Variants in TMTC2 observed in about 807,000 individuals in gnomAD.
TMTC2 encodes protein O-mannosyl-transferase TMTC2.
A neutral mutation model predicts 82.4 loss-of-function variants in TMTC2; 43 were observed. The observed-to-expected ratio is 0.52, with a 90% CI of 0.41 to 0.67. TMTC2 has a LOEUF of 0.67. Ranked by LOEUF, TMTC2 falls within the 30% of genes least tolerant of loss-of-function variation. TMTC2 has a pLI of 0.00. For missense variants in TMTC2, 919 were observed against 1,012.4 expected (o/e 0.91, Z 1.25); for synonymous variants, 408 against 381.9 (o/e 1.07, Z -0.80).
intron 1 of TMTC2, among the ~76,000 whole-genome samples, 154 bp from the exon 2 acceptor site, chr12:82,856,856 G>A (rs1358679805): frequency 6.6e-6 from 1 of 152,156 alleles, no homozygotes; most frequent in Non-Finnish European, 1.5e-5. Context: ...AAGCATTAAG[G>A]GGAGGACATG....
intron 11 of TMTC2, among the ~76,000 whole-genome samples, chr12:83,082,188 A>AT (rs1228554495): frequency 2.6e-5 from 4 of 152,156 alleles, no homozygotes; most frequent in Non-Finnish European, 5.9e-5. Context: ...ATGTCATATG[A>AT]CTCAATTCTT....
intron 1 of TMTC2, among the ~76,000 whole-genome samples, chr12:82,773,303 CT>C (rs1877405504): frequency 6.6e-6 from 1 of 151,988 alleles, no homozygotes; most frequent in African/African-American, 2.4e-5. Context: ...ACCTAATGTT[CT>C]TTTGATTGTA....
At chr12:82,697,633 A>G (rs987723161) in intron 1 of TMTC2, among the ~76,000 whole-genome samples, 3 of 152,208 alleles carry the variant, frequency 2.0e-5, no homozygotes, top group African/African-American at 7.2e-5. Flanking sequence ...CAGATTTTGA[A>G]AAGATAGCTT....
At chr12:82,995,137 CT>C (rs1384989567) in intron 8 of TMTC2, among the ~76,000 whole-genome samples, 1 of 151,956 alleles carries the variant, frequency 6.6e-6, no homozygotes, top group Non-Finnish European at 1.5e-5. Context: ...TAATTTTTTT[CT>C]AATAATATAT....
chr12:82,870,838 G>T (rs1344309898), intron 2 of TMTC2, among the ~76,000 whole-genome samples: 2 of 152,280 alleles, frequency 1.3e-5, no homozygotes, highest in East Asian at 1.9e-4. Flanking sequence ...AAAATGTGGG[G>T]ATGCCAATTG....
chr12:82,688,562 C>T (rs1326034889), intron 1 of TMTC2, among the ~76,000 whole-genome samples: 4 of 152,134 alleles, frequency 2.6e-5, no homozygotes, highest in Non-Finnish European at 4.4e-5. Context: ...GGGAAAATTC[C>T]AATTTGTGTC....
intron 4 of TMTC2, among the ~76,000 whole-genome samples, chr12:82,956,569 C>T (rs1877627392): frequency 6.6e-6 from 1 of 151,980 alleles, no homozygotes. Context: ...CCTGCCTCAG[C>T]CTCCCTCCCA....
intron 11 of TMTC2, among the ~76,000 whole-genome samples, chr12:83,125,368 C>T (rs1467472391): frequency 2.0e-5 from 3 of 152,136 alleles, no homozygotes; most frequent in African/African-American, 2.4e-5. Flanking sequence ...GTGTTCCTAC[C>T]TTTCAAATAT....
chr12:83,009,467 T>C (rs183064042), intron 8 of TMTC2, among the ~76,000 whole-genome samples: 2 of 152,272 alleles, frequency 1.3e-5, no homozygotes, highest in Admixed American at 1.3e-4. Flanking sequence ...AAAGCAGGTC[T>C]CCACTATGAT....
At chr12:82,909,512 T>C (rs894836254) in intron 3 of TMTC2, among the ~76,000 whole-genome samples, 3 of 151,950 alleles carry the variant, frequency 2.0e-5, no homozygotes, top group Non-Finnish European at 2.9e-5. Flanking sequence ...GCCAATTTTT[T>C]TGTATTTTTA....
intron 1 of TMTC2, among the ~76,000 whole-genome samples, chr12:82,705,329 G>A (rs13378007): frequency 0.05 from 7,611 of 152,038 alleles, 355 homozygotes; most frequent in East Asian, 0.12. Context: ...AATAACCTAT[G>A]GAGATAAAAA....
intron 11 of TMTC2, among the ~76,000 whole-genome samples, chr12:83,067,205 G>A (rs1882951480): frequency 6.6e-6 from 1 of 151,988 alleles, no homozygotes. Context: ...ACTTCTGAGA[G>A]TAAGGATATT....
intron 4 of TMTC2, among the ~76,000 whole-genome samples, chr12:82,941,047 A>G (rs934625049): frequency 3.3e-5 from 5 of 152,212 alleles, no homozygotes; most frequent in African/African-American, 4.8e-5. Flanking sequence ...AACGGAGAAT[A>G]CATAAATACG....
At chr12:83,033,349 G>A (rs1240318995) in intron 9 of TMTC2, among the ~76,000 whole-genome samples, 2 of 152,190 alleles carry the variant, frequency 1.3e-5, no homozygotes, top group Non-Finnish European at 1.5e-5. Flanking sequence ...AATATAACCT[G>A]TCTGTTGAAC....
intron 1 of TMTC2, among the ~76,000 whole-genome samples, chr12:82,716,345 T>C (rs930493513): frequency 7.2e-5 from 11 of 151,996 alleles, no homozygotes; most frequent in Admixed American, 3.3e-4. Context: ...TTCACATTCG[T>C]ATGCTTGTCT....
chr12:82,755,706 C>A (rs1302438620), intron 1 of TMTC2, among the ~76,000 whole-genome samples: 1 of 152,082 alleles, frequency 6.6e-6, no homozygotes, highest in East Asian at 1.9e-4. Context: ...TTTGTGTAAA[C>A]CAGTTTGAGT....
chr12:82,769,529 A>G (rs989756659), intron 1 of TMTC2, among the ~76,000 whole-genome samples: 18 of 152,090 alleles, frequency 1.2e-4, no homozygotes, highest in African/African-American at 4.3e-4. Context: ...AACAATTATG[A>G]CAACAACCTA....
intron 3 of TMTC2, among the ~76,000 whole-genome samples, chr12:82,896,997 A>G (rs2137182277): frequency 6.6e-6 from 1 of 152,340 alleles, no homozygotes; most frequent in Non-Finnish European, 1.5e-5. Flanking sequence ...TTATCATATA[A>G]TAAAAGTTAG....
chr12:82,917,984 A>C (rs949860544), intron 3 of TMTC2, among the ~76,000 whole-genome samples: 2 of 151,892 alleles, frequency 1.3e-5, no homozygotes, highest in African/African-American at 4.8e-5. Flanking sequence ...TGTAGCCTTA[A>C]CCTCCCAGGC....
Sources: gnomAD v4.1 joint callset for allele counts (sites outside exome capture counted in the v4.1 genomes callset) on GRCh38, gnomAD v4.1.1 for gene constraint, MANE v1.5 for transcripts, NCBI Gene and HGNC (gene_info 2026-07-23, HGNC 2026-07-21) for gene names.